The following PCDH15 variants were observed in gnomAD, a reference collection of about 807,000 sequenced individuals.
The protein encoded by PCDH15 is protocadherin-15.
PCDH15 carries 129 observed loss-of-function variants against 178.5 expected under a neutral mutation model. That is an observed-to-expected ratio of 0.72 (90% confidence interval 0.63 to 0.84). The LOEUF is 0.84. PCDH15 is among the 40% of genes least tolerant of loss of function. The probability of loss-of-function intolerance (pLI) is 0.00; values close to 1 mark genes in which losing one functional copy is unlikely to be tolerated. For synonymous variants in PCDH15, 800 were observed against 732.0 expected (o/e 1.09, Z -1.50); for missense variants, 2,230 against 2,099.9 (o/e 1.06, Z -1.21).
At chr10:54,342,202 C>A (rs906449060) in intron 6 of PCDH15, among the ~76,000 whole-genome samples, 5 of 152,150 alleles carry the variant, frequency 3.3e-5, no homozygotes, top group African/African-American at 1.2e-4. Context: ...TAGGGATCTT[C>A]ATGGCAGCCG....
chr10:54,717,535 G>A (rs2095495980), intron 1 of PCDH15, among the ~76,000 whole-genome samples: 1 of 145,128 alleles, frequency 6.9e-6, no homozygotes, highest in South Asian at 2.2e-4. Flanking sequence ...GGCCATCAGA[G>A]AAATGCAAAT....
chr10:54,279,254 C>T (rs944034275), intron 8 of PCDH15, among the ~76,000 whole-genome samples: 3 of 151,536 alleles, frequency 2.0e-5, no homozygotes, highest in Non-Finnish European at 1.5e-5. Flanking sequence ...CAAATTCCAT[C>T]ATATAACAGG....
intron 3 of PCDH15, among the ~76,000 whole-genome samples, chr10:54,404,075 A>T (rs1181286908): frequency 1.3e-5 from 2 of 152,016 alleles, no homozygotes; most frequent in Non-Finnish European, 2.9e-5. Context: ...TATTTCTATT[A>T]AACTACCAAT....
At chr10:55,547,910 T>TGAGAGAGAGAGAGAGAGAGAGA (rs763752387) in intron 2 of PCDH15, among the ~76,000 whole-genome samples, 3 of 54,518 alleles carry the variant, frequency 5.5e-5, no homozygotes, top group Non-Finnish European at 1.0e-4. Flanking sequence ...TGTGTGTGTG[T>TGAGAGAGAGAGAGAGAGAGAGA]GAGAGAGAGA....
At chr10:54,074,638 A>T (rs1305806762) in intron 17 of PCDH15, among the ~76,000 whole-genome samples, 1 of 152,206 alleles carries the variant, frequency 6.6e-6, no homozygotes, top group Admixed American at 6.6e-5. Flanking sequence ...AGCTATTGTG[A>T]ATAATGCTGC....
At position 54,174,702 on chromosome 10, in the gene PCDH15, C is replaced by CTTTTTTTTTTTTTTTTTTTTTTTT. The variant is rs1169302544; in HGVS notation, c.1590+8741_1590+8742insAAAAAAAAAAAAAAAAAAAAAAAA. ...CTTCTTTCTTTTTTCTTTTTCTTTT[C>CTTTTTTTTTTTTTTTTTTTTTTTT]TTTTTTTTTTTTTTTTTTTTTGAGA... On this transcript the variant is annotated intron_variant, in intron 13 of 37. Coordinates refer to ENST00000644397, the MANE Select transcript of PCDH15 (RefSeq NM_001384140.1). Among the ~76,000 whole-genome samples the CTTTTTTTTTTTTTTTTTTTTTTTT allele has an allele frequency of 7.3e-4, 61 of 84,036 alleles. 1 individual carries two copies. The highest frequency in any genetic ancestry group is 1.0e-3 in the Admixed American group (6 of 5,870). 55.1% of individuals were successfully genotyped at this position (84,036 alleles called of 152,430 possible). A position where few individuals can be genotyped will look rare whatever the true frequency, so the allele number is the denominator to read the frequency against.
At chr10:55,567,434 TAAAA>T (rs567268602) in intron 2 of PCDH15, among the ~76,000 whole-genome samples, 3 of 124,164 alleles carry the variant, frequency 2.4e-5, no homozygotes, top group Non-Finnish European at 5.3e-5. Flanking sequence ...TCACAAAAAG[TAAAA>T]AAAAAAAAGA....
intron 25 of PCDH15, among the ~76,000 whole-genome samples, chr10:53,904,924 G>T (rs1261790894): frequency 3.3e-5 from 5 of 152,078 alleles, no homozygotes; most frequent in African/African-American, 1.2e-4. Flanking sequence ...AACTCTTAGA[G>T]TGACAGAGGT....
intron 9 of PCDH15, among the ~76,000 whole-genome samples, chr10:54,219,670 C>CCCTTGCAT (rs1040598210): frequency 1.5e-4 from 23 of 150,114 alleles, no homozygotes; most frequent in Non-Finnish European, 4.4e-5. Flanking sequence ...AATTCTGGTC[C>CCCTTGCAT]CCTTGCATCT....
chr10:53,813,879 C>A (rs996065899), intron 35 of PCDH15, among the ~76,000 whole-genome samples: 4 of 152,076 alleles, frequency 2.6e-5, no homozygotes, highest in African/African-American at 9.7e-5. Context: ...CATAGAAGAG[C>A]TTGAGGGGCA....
chr10:55,467,986 A>AAAAAAAAAAAAAAAAAAAAAAAAAAAT (rs1839871292), intron 2 of PCDH15, among the ~76,000 whole-genome samples: 1 of 148,546 alleles, frequency 6.7e-6, no homozygotes, highest in African/African-American at 2.5e-5. Context: ...AAAAAAAAAA[A>AAAAAAAAAAAAAAAAAAAAAAAAAAAT]AAAAAGAATT....
intron 3 of PCDH15, among the ~76,000 whole-genome samples, chr10:54,526,036 G>GCTC (rs2083329343): frequency 6.6e-6 from 1 of 152,182 alleles, no homozygotes; most frequent in South Asian, 2.1e-4. Context: ...AATATGCCAA[G>GCTC]TAAGGAGCAC....
At chr10:54,197,003 T>C (rs1263775316) in intron 10 of PCDH15, among the ~76,000 whole-genome samples, 1 of 152,150 alleles carries the variant, frequency 6.6e-6, no homozygotes, top group East Asian at 1.9e-4. Flanking sequence ...ACGTAGACAA[T>C]TCCCAAATAA....
intron 3 of PCDH15, among the ~76,000 whole-genome samples, chr10:54,414,610 C>T (rs6481096): frequency 0.47 from 71,599 of 151,876 alleles, 17,609 homozygotes; most frequent in Non-Finnish European, 0.53. Context: ...TTTTACTATA[C>T]GTCAGGCTAT....
chr10:55,011,213 A>G (rs1217901199), intron 2 of PCDH15, among the ~76,000 whole-genome samples: 1 of 152,098 alleles, frequency 6.6e-6, no homozygotes, highest in Non-Finnish European at 1.5e-5. Flanking sequence ...AAAAATCGTT[A>G]TATTTATTAA....
chr10:54,300,109 C>A (rs1312168597), intron 8 of PCDH15, among the ~76,000 whole-genome samples: 1 of 152,170 alleles, frequency 6.6e-6, no homozygotes, highest in African/African-American at 2.4e-5. Flanking sequence ...GAGGCCTAGA[C>A]CTCCTCACTA....
chr10:54,069,379 A>G (rs1389008442), intron 17 of PCDH15, among the ~76,000 whole-genome samples: 4 of 152,224 alleles, frequency 2.6e-5, no homozygotes, highest in African/African-American at 9.6e-5. Flanking sequence ...GAATACAACC[A>G]GATCACTAAG....
At chr10:54,710,044 A>T (rs2095412812) in intron 1 of PCDH15, among the ~76,000 whole-genome samples, 1 of 151,556 alleles carries the variant, frequency 6.6e-6, no homozygotes, top group Non-Finnish European at 1.5e-5. Flanking sequence ...CTGCATATAT[A>T]CTTAAATAAA....
intron 1 of PCDH15, among the ~76,000 whole-genome samples, chr10:55,184,298 G>T (rs1410452477): frequency 6.6e-6 from 1 of 151,944 alleles, no homozygotes; most frequent in Non-Finnish European, 1.5e-5. Context: ...GGACTCATCC[G>T]TACTGCCATA....
Sources: allele counts gnomAD v4.1 joint callset (sites outside exome capture counted in the v4.1 genomes callset), GRCh38; gene constraint gnomAD v4.1.1; transcripts MANE v1.5; gene names NCBI Gene and HGNC (gene_info 2026-07-23, HGNC 2026-07-21).